Variants in CTNNA3 observed in about 807,000 individuals in gnomAD.
CTNNA3 encodes the protein catenin alpha-3.
In CTNNA3, 76 loss-of-function variants were observed where a neutral mutation model predicts 95.7. The ratio of observed to expected loss-of-function variants is 0.79; its 90% CI spans 0.66 to 0.96. The LOEUF (loss-of-function observed/expected upper bound fraction) is 0.96. CTNNA3 is among the 40% of genes least tolerant of loss of function. CTNNA3 has a pLI of 0.00. For synonymous variants in CTNNA3, 431 were observed against 374.4 expected (o/e 1.15, Z -1.74); for missense variants, 1,191 against 1,089.8 (o/e 1.09, Z -1.31).
At chr10:66,183,435 G>A (rs2086158169) in intron 13 of CTNNA3, among the ~76,000 whole-genome samples, 1 of 152,164 alleles carries the variant, frequency 6.6e-6, no homozygotes, top group South Asian at 2.1e-4. Flanking sequence ...ATCATTTGGA[G>A]CCTTGTTTTT....
chr10:66,050,959 T>G (rs1333918401), intron 15 of CTNNA3, among the ~76,000 whole-genome samples: 2 of 152,220 alleles, frequency 1.3e-5, no homozygotes, highest in African/African-American at 4.8e-5. Flanking sequence ...GCTCAAGTGA[T>G]CCTCTCGCCT....
chr10:66,442,097 C>A (rs1269707956), intron 11 of CTNNA3, among the ~76,000 whole-genome samples: 1 of 152,126 alleles, frequency 6.6e-6, no homozygotes, highest in African/African-American at 2.4e-5. Context: ...CTGTATTGAA[C>A]ACGTACAGAC....
chr10:66,802,516 T>C (rs1841469616), intron 7 of CTNNA3, among the ~76,000 whole-genome samples: 1 of 151,820 alleles, frequency 6.6e-6, no homozygotes, highest in Non-Finnish European at 1.5e-5. Context: ...TGTGGAACAA[T>C]TTGGAACTCT....
intron 11 of CTNNA3, among the ~76,000 whole-genome samples, chr10:66,470,424 T>C (rs1340551792): frequency 6.6e-6 from 1 of 151,862 alleles, no homozygotes; most frequent in East Asian, 1.9e-4. Flanking sequence ...AGCATTAATT[T>C]ATAGCAATGT....
rs568131910 is a variant in CTNNA3 at position 66,648,510 on chromosome 10, T to C, written c.1282-26726A>G. ...ATGATCTCTAAAAAAGAGTCGAATA[T>C]GCGAATCCTACCTAAAGACCGGGGA... On this transcript the variant is annotated intron_variant, in intron 9 of 17. Coordinates refer to ENST00000433211, the MANE Select transcript of CTNNA3 (RefSeq NM_013266.4). Among the ~76,000 whole-genome samples, 6 of 152,290 alleles carry C rather than the reference T, an allele frequency of 3.9e-5. No homozygotes were observed. In the South Asian group the frequency reaches 1.2e-3, roughly 32 times the overall value.
chr10:67,059,305 C>CA (rs1302256447), intron 7 of CTNNA3, among the ~76,000 whole-genome samples: 6 of 151,802 alleles, frequency 4.0e-5, no homozygotes, highest in African/African-American at 1.5e-4. Context: ...TTAGTGATGT[C>CA]AAAAATGGTA....
intron 1 of CTNNA3, among the ~76,000 whole-genome samples, chr10:67,718,843 T>TGG (rs1841161000): frequency 1.3e-5 from 2 of 152,196 alleles, no homozygotes; most frequent in African/African-American, 4.8e-5. Flanking sequence ...GGAGTGCCTC[T>TGG]TTGTCTATTG....
rs12247812 is a variant in CTNNA3, at chr10:66,649,012, A to G, written c.1282-27228T>C. 8.0e-3 allele frequency among the ~76,000 whole-genome samples: 1,216 copies of G among 152,292 alleles called. 18 individuals are homozygous for G. Among genetic ancestry groups the G allele is most frequent in the African/African-American group, 0.028 (1,168 of 41,558 alleles). ...GGGCAGAATTTAAAGGAACGCTAAC[A>G]TAGGCAGTAGAAAAACACCCACAAA... On this transcript the variant is annotated intron_variant, in intron 9 of 17. Coordinates refer to ENST00000433211, the MANE Select transcript of CTNNA3 (RefSeq NM_013266.4).
chr10:66,028,048 C>T lies in CTNNA3; in HGVS notation c.2160-39251G>A, dbSNP rs558390349. 8.6e-4 allele frequency among the ~76,000 whole-genome samples: 131 copies of T among 152,246 alleles called. 1 individual carries two copies. The highest frequency in any genetic ancestry group is 3.1e-3 in the African/African-American group (127 of 41,572). ...TATATAGGCCCCCAAGTCTGCCTTT[C>T]TTTTACTTATACTTAAATATGAACA... On this transcript the variant is annotated intron_variant, in intron 15 of 17. Coordinates refer to ENST00000433211, the MANE Select transcript of CTNNA3 (RefSeq NM_013266.4).
At chr10:66,144,698 G>C (rs2083792796) in intron 13 of CTNNA3, among the ~76,000 whole-genome samples, 1 of 152,146 alleles carries the variant, frequency 6.6e-6, no homozygotes, top group African/African-American at 2.4e-5. Context: ...ATGTTGGTCA[G>C]GCTGGTCTCA....
intron 15 of CTNNA3, among the ~76,000 whole-genome samples, chr10:66,007,356 C>A (rs2133380944): frequency 6.6e-6 from 1 of 152,164 alleles, no homozygotes; most frequent in African/African-American, 2.4e-5. Context: ...AAGCCTAGTA[C>A]CCATTAGTTA....
At chr10:67,762,382 CCAA>C (rs975897587) in intron 1 of CTNNA3, among the ~76,000 whole-genome samples, 5 of 145,136 alleles carry the variant, frequency 3.4e-5, no homozygotes, top group African/African-American at 1.0e-4. Context: ...CCTCCCCCCC[CCAA>C]AAAAAAAAAA....
chr10:66,071,015 A>T (rs2080423871), intron 14 of CTNNA3, among the ~76,000 whole-genome samples: 1 of 152,170 alleles, frequency 6.6e-6, no homozygotes, highest in East Asian at 1.9e-4. Flanking sequence ...TAAGTTACTG[A>T]CACCTTTGCA....
intron 11 of CTNNA3, among the ~76,000 whole-genome samples, chr10:66,462,235 G>T (rs1349924582): frequency 6.6e-6 from 1 of 152,064 alleles, no homozygotes; most frequent in African/African-American, 2.4e-5. Context: ...GGGCAAAATG[G>T]TTTCACATGC....
intron 5 of CTNNA3, among the ~76,000 whole-genome samples, chr10:67,372,050 T>C (rs1212956070): frequency 6.6e-6 from 1 of 152,210 alleles, no homozygotes; most frequent in Non-Finnish European, 1.5e-5. Context: ...TCTGTTCATA[T>C]CTTTCGCCCA....
At chr10:66,769,499 T>C (rs1840002022) in intron 8 of CTNNA3, among the ~76,000 whole-genome samples, 1 of 152,266 alleles carries the variant, frequency 6.6e-6, no homozygotes, top group South Asian at 2.1e-4. Context: ...TGGTGCCTTA[T>C]ATCTCATCCT....
At chr10:66,971,757 A>C (rs1289357574) in intron 7 of CTNNA3, among the ~76,000 whole-genome samples, 2 of 152,174 alleles carry the variant, frequency 1.3e-5, no homozygotes, top group African/African-American at 4.8e-5. Context: ...ACAAAGAGAA[A>C]ATATACCATA....
intron 5 of CTNNA3, among the ~76,000 whole-genome samples, chr10:67,342,129 T>C (rs1482870302): frequency 5.0e-5 from 6 of 119,590 alleles, no homozygotes; most frequent in African/African-American, 1.8e-4. Context: ...TTAGACAGAG[T>C]CTCACTCTGT....
intron 7 of CTNNA3, among the ~76,000 whole-genome samples, chr10:67,046,846 G>A (rs539108269): frequency 6.6e-6 from 1 of 152,258 alleles, no homozygotes; most frequent in South Asian, 2.1e-4. Flanking sequence ...GACTTTTTGG[G>A]TGAGTAGATA....
Sources: allele counts gnomAD v4.1 joint callset (sites outside exome capture counted in the v4.1 genomes callset), GRCh38; gene constraint gnomAD v4.1.1; transcripts MANE v1.5; gene names NCBI Gene and HGNC (gene_info 2026-07-23, HGNC 2026-07-21).